The following ACOT12 variants were observed in gnomAD, a reference collection of about 807,000 sequenced individuals.
ACOT12 encodes acyl-CoA thioesterase 12, also known as acetyl-coenzyme A thioesterase.
In ACOT12, 51 loss-of-function variants were observed where a neutral mutation model predicts 67.7. The observed-to-expected ratio is 0.75, with a 90% CI of 0.60 to 0.95. ACOT12 has a LOEUF of 0.95. ACOT12 is among the 40% of genes least tolerant of loss of function. ACOT12 has a pLI of 0.00. For missense variants in ACOT12, 734 were observed against 708.1 expected (o/e 1.04, Z -0.41); for synonymous variants, 251 against 244.6 (o/e 1.03, Z -0.24).
At chr5:81,330,759 G>GAT in intron 14 of ACOT12, 55 bp downstream of exon 14, 2 of 1,591,848 alleles carry the variant, frequency 1.3e-6, no homozygotes, top group Non-Finnish European at 1.7e-6. Flanking sequence ...TAAATTAAGA[G>GAT]ATTTTTCGCT....
the ACOT12 span, chr5:81,308,633 G>A: frequency 2.5e-6 from 4 of 1,613,834 alleles, no homozygotes; most frequent in Admixed American, 6.7e-5. Flanking sequence ...TCAAGACATG[G>A]GCACTGGGAT....
chr5:81,357,951 A>G (rs1159136102), intron 5 of ACOT12, among the ~76,000 whole-genome samples: 6 of 144,212 alleles, frequency 4.2e-5, no homozygotes, highest in Non-Finnish European at 3.0e-5. Context: ...GGTTGCAGTG[A>G]GCTGAGATTG....
intron 2 of ACOT12, among the ~76,000 whole-genome samples, chr5:81,384,371 C>T (rs1760671484): frequency 6.6e-6 from 1 of 152,012 alleles, no homozygotes; most frequent in Non-Finnish European, 1.5e-5. Flanking sequence ...CTGCTGACCT[C>T]AGGTGATCCA....
chr5:81,392,441 T>C (rs188797930), intron 1 of ACOT12, among the ~76,000 whole-genome samples: 5 of 152,338 alleles, frequency 3.3e-5, no homozygotes, highest in Admixed American at 2.0e-4. Context: ...ATACTACTAA[T>C]AGTAATGTAA....
At chr5:81,370,915 G>T (rs189300891) in intron 3 of ACOT12, among the ~76,000 whole-genome samples, 28 of 152,118 alleles carry the variant, frequency 1.8e-4, no homozygotes, top group Non-Finnish European at 4.4e-5. Context: ...AACCTGAATG[G>T]AGATCTCAAG....
At chr5:81,327,420 A>G (rs1758701605), downstream of ACOT12, among the ~76,000 whole-genome samples, 1 of 152,278 alleles carries the variant, frequency 6.6e-6, no homozygotes, top group Admixed American at 6.5e-5. Context: ...CATTGAAACC[A>G]GGAAGAATTA....
chr5:81,355,490 A>G (rs7706867), intron 5 of ACOT12, among the ~76,000 whole-genome samples: 57,722 of 152,100 alleles, frequency 0.38, 11,226 homozygotes, highest in Non-Finnish European at 0.42. Flanking sequence ...GTTCTCACCT[A>G]TTTGTGGAAT....
At position 81,335,766 on chromosome 5, in the gene ACOT12, A is replaced by G. The variant is rs943885117; in HGVS notation, c.1262+2T>C. The G allele has an allele frequency of 6.2e-7, 1 of 1,603,000 alleles. No individual in the cohort carries two copies. On this transcript the variant is annotated splice_donor_variant, in intron 12 of 14. Transcript: ENST00000307624. LOFTEE classifies it high-confidence loss of function. ...GAGAAAAATTTTTAAATTTGTTCTT[A>G]CACAAAATGGGGGTCCCACAAAGGT...
At chr5:81,317,631 T>C in the ACOT12 span, among the ~76,000 whole-genome samples, 52 of 152,130 alleles carry the variant, frequency 3.4e-4, no homozygotes, top group Admixed American at 7.2e-4. Context: ...AATCTTTACA[T>C]GGTGGAGCAG....
intron 11 of ACOT12, among the ~76,000 whole-genome samples, chr5:81,338,716 T>A (rs193048212): frequency 2.6e-4 from 40 of 152,346 alleles, no homozygotes; most frequent in Admixed American, 2.4e-3. Flanking sequence ...AGGCTCAAAA[T>A]CTGCTGGATC....
In ACOT12 at chr5:81,330,302, T is replaced by C. The variant is rs1758772143; in HGVS notation, c.*92A>G. ...TTTTGCTTAGGGTTATATTAAATTA[T>C]TTTGTGGCCCCAAAGCTTGACAGAT... On this transcript the variant is annotated 3_prime_UTR_variant, in exon 15 of 15. Transcript: ENST00000307624. 8.5e-6 allele frequency: 12 copies of C among 1,411,210 alleles called. No homozygotes were observed. The highest frequency in any genetic ancestry group is 1.0e-5 in the Non-Finnish European group (11 of 1,052,512). The allele number at this position is 1,411,210 out of a possible 1,614,324, so 87.4% of individuals were successfully genotyped here.
intron 3 of ACOT12, among the ~76,000 whole-genome samples, chr5:81,370,053 T>C (rs1015108246): frequency 4.6e-5 from 7 of 152,238 alleles, no homozygotes; most frequent in East Asian, 3.9e-4. Context: ...GAGGCCAAGG[T>C]GGGCAGATCA....
the ACOT12 span, among the ~76,000 whole-genome samples, chr5:81,310,202 A>T: frequency 1.3e-4 from 19 of 150,818 alleles, no homozygotes; most frequent in Non-Finnish European, 2.7e-4. Flanking sequence ...AGGAGAGTAG[A>T]TCCCATAGAT....
At chr5:81,342,808 T>C in intron 10 of ACOT12, 53 bp from the exon 11 acceptor site, 1 of 1,563,112 alleles carries the variant, frequency 6.4e-7, no homozygotes. Context: ...CATGGATGTG[T>C]GATCATATAT....
chr5:81,344,649 C>T (rs1397487583), intron 8 of ACOT12, among the ~76,000 whole-genome samples: 1 of 152,140 alleles, frequency 6.6e-6, no homozygotes, highest in East Asian at 1.9e-4. Flanking sequence ...AAGGTGACAT[C>T]CTACCCACAG....
At chr5:81,312,467 C>T in the ACOT12 span, 7 of 1,188,888 alleles carry the variant, frequency 5.9e-6, no homozygotes, top group Non-Finnish European at 7.3e-6. Flanking sequence ...GAGTTCCTTT[C>T]CCAAACCAAT....
chr5:81,327,207 T>TACAC (rs71992916), downstream of ACOT12, among the ~76,000 whole-genome samples: 12 of 144,958 alleles, frequency 8.3e-5, no homozygotes, highest in South Asian at 2.1e-4. Context: ...ATAATATATA[T>TACAC]ACACACACAC....
chr5:81,310,157 TAAAAAAA>T, the ACOT12 span, among the ~76,000 whole-genome samples: 166 of 104,762 alleles, frequency 1.6e-3, 4 homozygotes, highest in African/African-American at 6.5e-3. Flanking sequence ...TGACTAGCTG[TAAAAAAA>T]AAAAAAAAAA....
Position 81,344,934 on chromosome 5 carries a change from T to A in ACOT12, c.881A>T (p.Lys294Met). Residue 294 changes from lysine (K) to methionine (M), a missense_variant, in exon 8 of 15, where the codon AAG becomes ATG. By Grantham distance (95) the Lys-to-Met change is moderately conservative. Coordinates refer to ENST00000307624, the MANE Select transcript of ACOT12 (RefSeq NM_130767.3). ...AFLIYNAADDKENLITFPRIQ... is the reference protein window; with the variant it reads ...AFLIYNAADDMENLITFPRIQ... ...TCTGGGAAACGTGATGAGATTTTCC[T>A]TATCATCAGCAGCATTGTAAATGAG... 1 of 1,614,224 alleles carries A rather than the reference T, an allele frequency of 6.2e-7. No homozygotes were observed. Among genetic ancestry groups the A allele is most frequent in the Non-Finnish European group, 8.5e-7 (1 of 1,180,034 alleles).
Sources: allele counts gnomAD v4.1 joint callset (sites outside exome capture counted in the v4.1 genomes callset), GRCh38; gene constraint gnomAD v4.1.1; transcripts MANE v1.5; gene names NCBI Gene and HGNC (gene_info 2026-07-23, HGNC 2026-07-21).